Variants in CHI3L2 observed in about 807,000 individuals in gnomAD.
The protein encoded by CHI3L2 is chitinase-3-like protein 2.
In CHI3L2, 47 loss-of-function variants were observed where a neutral mutation model predicts 47.3. That is an observed-to-expected ratio of 0.99 (90% CI 0.79 to 1.27). The LOEUF (loss-of-function observed/expected upper bound fraction) is 1.27, where lower values mean the gene tolerates loss of function less well. CHI3L2 is among the 50% of genes most tolerant of loss of function. The pLI is 0.00. For synonymous variants in CHI3L2, 198 were observed against 169.9 expected (o/e 1.17, Z -1.28); for missense variants, 497 against 462.1 (o/e 1.08, Z -0.69).
intron 3 of CHI3L2, 121 bp from the exon 4 acceptor site, chr1:111,231,117 C>A: frequency 3.0e-6 from 3 of 1,016,526 alleles, no homozygotes; most frequent in Non-Finnish European, 4.5e-6. Context: ...CTGAACTTCA[C>A]TTTAGTTCAA....
At chr1:111,234,353 C>A (rs1368667142) in intron 4 of CHI3L2, among the ~76,000 whole-genome samples, 3 of 151,998 alleles carry the variant, frequency 2.0e-5, no homozygotes, top group African/African-American at 7.3e-5. Flanking sequence ...AAAGAGCACG[C>A]TAGGGGCAAT....
At chr1:111,232,222 GA>G (rs1659744207) in intron 4 of CHI3L2, among the ~76,000 whole-genome samples, 1 of 152,160 alleles carries the variant, frequency 6.6e-6, no homozygotes. Flanking sequence ...ACTCCTCCGT[GA>G]ACACCCTTCA....
chr1:111,230,692 T>C (rs1400834568), intron 2 of CHI3L2, 50 bp from the exon 3 acceptor site: 1 of 1,504,140 alleles, frequency 6.6e-7, no homozygotes, highest in Admixed American at 1.7e-5. Flanking sequence ...CTTTCTGGAC[T>C]CTAAGGCAAC....
rs1188778996 is a variant in CHI3L2, at chr1:111,236,069, T to A, written c.651T>A (p.Ser217=). ...INLLSFDFHG[S]WEKPLITGHN... is the part of the protein sequence containing the mutation. ...TCCTGTCCTTTGACTTCCATGGGTC[T>A]TGGGAAAAGCCCCTTATCACTGGCC... The change falls in exon 7 of 11, where the codon TCT becomes TCA. Residue 217 remains serine, a synonymous_variant. Coordinates refer to ENST00000369748, the MANE Select transcript of CHI3L2 (RefSeq NM_004000.3). The A allele has an allele frequency of 1.2e-6, 2 of 1,614,234 alleles. No homozygotes were observed. The highest frequency in any genetic ancestry group is 2.2e-5 in the South Asian group (2 of 91,086).
At chr1:111,238,613 G>A (rs1054714579) in intron 7 of CHI3L2, 137 bp from the exon 8 acceptor site, 23 of 783,308 alleles carry the variant, frequency 2.9e-5, no homozygotes, top group Non-Finnish European at 4.7e-5. Flanking sequence ...TCTGGTCCGG[G>A]GGGTCTGGTC....
chr1:111,229,701 A>AAAAAAAAAAAAAAAAAAAAAAC (rs1659649650), intron 1 of CHI3L2, 151 bp from the exon 2 acceptor site: 2 of 1,119,778 alleles, frequency 1.8e-6, no homozygotes, highest in African/African-American at 1.8e-5. Context: ...AAAAAAAAAA[A>AAAAAAAAAAAAAAAAAAAAAAC]AAAAGAAACC....
chr1:111,238,371 A>C (rs1659944410), intron 7 of CHI3L2, among the ~76,000 whole-genome samples: 1 of 152,220 alleles, frequency 6.6e-6, no homozygotes, highest in Non-Finnish European at 1.5e-5. Flanking sequence ...TGGACTAGGA[A>C]TCTGACAGCC....
chr1:111,235,598 G>T, intron 5 of CHI3L2, 41 bp from the exon 6 acceptor site: 1 of 1,600,302 alleles, frequency 6.2e-7, no homozygotes, highest in South Asian at 1.1e-5. Flanking sequence ...ACTGTACTCT[G>T]GGAAGGGGAA....
intron 8 of CHI3L2, chr1:111,239,493 A>T: frequency 6.6e-6 from 1 of 152,566 alleles, no homozygotes; most frequent in Non-Finnish European, 1.5e-5. Flanking sequence ...GAGGCCCCAG[A>T]CACACCCAAA....
intron 4 of CHI3L2, among the ~76,000 whole-genome samples, chr1:111,232,082 A>T (rs1659738706): frequency 6.6e-6 from 1 of 152,244 alleles, no homozygotes; most frequent in African/African-American, 2.4e-5. Context: ...CAACTTGTGC[A>T]ACCTGTCAGA....
In CHI3L2 at chr1:111,235,140, T is replaced by G. The variant is rs1171260699; in HGVS notation, c.480+83T>G. On this transcript the variant is annotated intron_variant, in intron 5 of 10. Transcript: ENST00000369748. ...TGATATCCAGAATCCATGGCCACAT[T>G]GGGAGACAAAAAGGAGGAGATTGAG... 7.0e-6 allele frequency: 10 copies of G among 1,433,872 alleles called. No homozygotes were observed. In the African/African-American group the frequency reaches 9.9e-5, roughly 14 times the overall value. The allele number at this position is 1,433,872 out of a possible 1,614,324, so 88.8% of individuals were successfully genotyped here.
chr1:111,233,579 C>T (rs572152901), intron 4 of CHI3L2, among the ~76,000 whole-genome samples: 13 of 152,142 alleles, frequency 8.5e-5, no homozygotes, highest in African/African-American at 3.1e-4. Flanking sequence ...GGGGGGTCAG[C>T]ACCCCGCCCG....
intron 7 of CHI3L2, among the ~76,000 whole-genome samples, chr1:111,236,960 G>C (rs1432064086): frequency 6.6e-6 from 1 of 152,174 alleles, no homozygotes; most frequent in Non-Finnish European, 1.5e-5. Flanking sequence ...GCTGTCTTTT[G>C]CTCTTGTTTG....
At position 111,235,631 on chromosome 1, in the gene CHI3L2, T is replaced by C; in HGVS notation, c.481-8T>C. The C allele has an allele frequency of 6.2e-7, 1 of 1,612,196 alleles. No individual in the cohort carries two copies. The highest frequency in any genetic ancestry group is 1.3e-5 in the African/African-American group (1 of 74,902). ...GAATATTGCACCTCGTTTCTTTGTT[T>C]TTCCTAGGAGTTAGCAGAAGCCTTT... On this transcript the variant is annotated splice_region_variant and splice_polypyrimidine_tract_variant and intron_variant, in intron 5 of 10. Coordinates refer to ENST00000369748, the MANE Select transcript of CHI3L2 (RefSeq NM_004000.3).
In CHI3L2 at chr1:111,238,862, G is replaced by A. The variant is rs1215820374; in HGVS notation, c.848G>A (p.Gly283Glu). 1.9e-6 allele frequency: 3 copies of A among 1,613,518 alleles called. No individual in the cohort carries two copies. The highest frequency in any genetic ancestry group is 1.7e-5 in the Admixed American group (1 of 59,938). Residue 283 changes from glycine to glutamate, a missense_variant, in exon 8 of 11, where the codon GGG becomes GAG. Physicochemically the swap from Gly to Glu is moderately conservative, Grantham distance 98 (BLOSUM62 -2). Transcript: ENST00000369748. ...FTLASAETTV[G>E]APASGPGAAG... ...CTGGCCTCTGCAGAAACCACCGTGGGGGCCCCTGCCTCTGGCCCTGGAGCT... is the reference window on the plus strand; with the variant it reads ...CTGGCCTCTGCAGAAACCACCGTGGAGGCCCCTGCCTCTGGCCCTGGAGCT...
intron 7 of CHI3L2, among the ~76,000 whole-genome samples, chr1:111,236,656 A>G (rs1659896834): frequency 3.4e-4 from 1 of 2,942 alleles, no homozygotes; most frequent in Non-Finnish European, 2.0e-3. Context: ...ATGAAAAGTA[A>G]AAAAAAAAAA....
At chr1:111,240,360 A>T (rs1327043223) in intron 8 of CHI3L2, among the ~76,000 whole-genome samples, 2 of 152,246 alleles carry the variant, frequency 1.3e-5, no homozygotes, top group Admixed American at 6.5e-5. Context: ...GAGAGTCCTC[A>T]TTGAATCTCA....
chr1:111,235,987 C>G (rs375683929), intron 6 of CHI3L2, 37 bp from the exon 7 acceptor site: 7 of 1,610,546 alleles, frequency 4.3e-6, no homozygotes. Context: ...TACCACTGCT[C>G]GTCACAAAAT....
chr1:111,239,726 C>T (rs1659992768), intron 8 of CHI3L2, among the ~76,000 whole-genome samples: 1 of 152,172 alleles, frequency 6.6e-6, no homozygotes, highest in African/African-American at 2.4e-5. Flanking sequence ...ACCATCATTC[C>T]TCTCTGCCCT....
Sources: allele counts gnomAD v4.1 joint callset (sites outside exome capture counted in the v4.1 genomes callset), GRCh38; gene constraint gnomAD v4.1.1; transcripts MANE v1.5; gene names NCBI Gene and HGNC (gene_info 2026-07-23, HGNC 2026-07-21).